Variants in TNS3 observed in about 807,000 individuals in gnomAD.
TNS3 encodes tensin 3.
Under a neutral mutation model 140.9 loss-of-function variants are expected in TNS3, and 45 were observed. The observed-to-expected ratio is 0.32, with a 90% CI of 0.25 to 0.41. The LOEUF (loss-of-function observed/expected upper bound fraction) is 0.41, where lower values mean the gene tolerates loss of function less well. TNS3 is among the 10% of genes least tolerant of loss of function. The probability of loss-of-function intolerance (pLI) is 1.00; values close to 1 mark genes in which losing one functional copy is unlikely to be tolerated. For missense variants in TNS3, 1,716 were observed against 1,906.7 expected (o/e 0.90, Z 1.86); for synonymous variants, 815 against 788.4 (o/e 1.03, Z -0.56).
intron 1 of TNS3, among the ~76,000 whole-genome samples, chr7:47,573,414 C>T (rs1253973740): frequency 6.6e-6 from 1 of 152,194 alleles, no homozygotes; most frequent in East Asian, 1.9e-4. Flanking sequence ...GGTCTCAAAT[C>T]TACAAGCGCC....
chr7:47,294,784 A>G (rs1438537447), intron 24 of TNS3, among the ~76,000 whole-genome samples: 1 of 152,222 alleles, frequency 6.6e-6, no homozygotes, highest in Non-Finnish European at 1.5e-5. Context: ...ATTCCATAAA[A>G]GGCTGTGTTG....
chr7:47,557,010 C>T (rs1562854917), intron 1 of TNS3: 4 of 456,278 alleles, frequency 8.8e-6, no homozygotes, highest in South Asian at 1.5e-5. Context: ...CCAGGAGCAG[C>T]GGGGGCGGGG....
At chr7:47,329,885 G>A (rs1788238918) in intron 20 of TNS3, among the ~76,000 whole-genome samples, 1 of 152,146 alleles carries the variant, frequency 6.6e-6, no homozygotes, top group African/African-American at 2.4e-5. Flanking sequence ...TGGGCAGCAG[G>A]GAGGAGGAGG....
At chr7:47,281,603 C>T (rs1222652244) in intron 28 of TNS3, among the ~76,000 whole-genome samples, 1 of 152,170 alleles carries the variant, frequency 6.6e-6, no homozygotes, top group Non-Finnish European at 1.5e-5. Flanking sequence ...GTGAGAAGAT[C>T]CCCCTTTTGT....
chr7:47,579,788 A>G, intron 1 of TNS3: 1 of 968,590 alleles, frequency 1.0e-6, no homozygotes, highest in Non-Finnish European at 1.2e-6. Flanking sequence ...GTAGAGTCCT[A>G]AGCAGATATA....
chr7:47,527,692 C>A (rs1180860383), intron 2 of TNS3, among the ~76,000 whole-genome samples: 2 of 152,184 alleles, frequency 1.3e-5, no homozygotes, highest in African/African-American at 4.8e-5. Context: ...GCAGGAGAAT[C>A]ACTTGAGGCC....
intron 4 of TNS3, among the ~76,000 whole-genome samples, chr7:47,473,971 G>A (rs1797060046): frequency 6.6e-6 from 1 of 152,130 alleles, no homozygotes; most frequent in African/African-American, 2.4e-5. Flanking sequence ...ACGGTCACTG[G>A]GGCAGAGGCA....
rs771153499 is a variant in TNS3, at chr7:47,369,399, C to G, written c.1247G>C (p.Gly416Ala). 2 of 1,614,040 alleles carry G rather than the reference C, an allele frequency of 1.2e-6. No homozygotes were observed. Among genetic ancestry groups the G allele is most frequent in the East Asian group, 2.2e-5 (1 of 44,876 alleles). The change falls in exon 17 of 31, where the codon GGC becomes GCC. Residue 416 changes from glycine to alanine, a missense_variant. Gly to Ala is a moderately conservative substitution (Grantham distance 60). Coordinates refer to ENST00000311160, the MANE Select transcript of TNS3 (RefSeq NM_022748.12). ...CTCTGCCTTCTCCTGGGCACTCAGG[C>G]CCCTCCTGGTTCCTGGGGCCAGGCG... ...EERLAPGTRR[G>A]LSAQEKAELD...
chr7:47,323,504 T>A (rs567972609), intron 20 of TNS3, among the ~76,000 whole-genome samples: 2 of 152,294 alleles, frequency 1.3e-5, no homozygotes, highest in South Asian at 4.1e-4. Flanking sequence ...AATCATAAGA[T>A]TTGGAACTTC....
chr7:47,406,390 T>TA (rs917201893), intron 13 of TNS3, among the ~76,000 whole-genome samples: 1 of 152,226 alleles, frequency 6.6e-6, no homozygotes, highest in Non-Finnish European at 1.5e-5. Flanking sequence ...TTTCTGCAGT[T>TA]AGACTTGACT....
At chr7:47,534,790 T>C (rs992127749) in intron 1 of TNS3, among the ~76,000 whole-genome samples, 4 of 152,246 alleles carry the variant, frequency 2.6e-5, no homozygotes, top group South Asian at 2.1e-4. Flanking sequence ...AGAAGGATAA[T>C]GATGCTGCTA....
At chr7:47,499,644 C>A (rs73695359) in intron 3 of TNS3, among the ~76,000 whole-genome samples, 3,933 of 152,292 alleles carry the variant, frequency 0.026, 192 homozygotes, top group African/African-American at 0.089. Flanking sequence ...TGATTCCAAC[C>A]CTATGGCATT....
intron 4 of TNS3, among the ~76,000 whole-genome samples, chr7:47,445,090 C>G (rs1004697990): frequency 6.6e-6 from 1 of 152,140 alleles, no homozygotes; most frequent in Admixed American, 6.5e-5. Context: ...CTATGTAAGT[C>G]TACATCCACT....
At chr7:47,291,197 A>G (rs1174239859) in intron 27 of TNS3, among the ~76,000 whole-genome samples, 1 of 152,154 alleles carries the variant, frequency 6.6e-6, no homozygotes, top group Non-Finnish European at 1.5e-5. Context: ...ACGAACAGAA[A>G]AGGCACAGAG....
intron 10 of TNS3, among the ~76,000 whole-genome samples, chr7:47,418,481 C>G (rs1165025152): frequency 6.6e-6 from 1 of 152,116 alleles, no homozygotes. Flanking sequence ...AAAGACCATC[C>G]CAACAGCCTT....
chr7:47,378,725 G>A (rs569309967), intron 16 of TNS3, among the ~76,000 whole-genome samples: 21 of 152,298 alleles, frequency 1.4e-4, no homozygotes, highest in South Asian at 1.2e-3. Context: ...GCAAGGGACC[G>A]AAGCATGTCC....
rs111728713 is a variant in TNS3 at position 47,466,815 on chromosome 7, T to C, written c.-76+14288A>G. Among the ~76,000 whole-genome samples, 16 of 152,350 alleles carry C rather than the reference T, an allele frequency of 1.1e-4. 1 individual carries two copies. Among genetic ancestry groups the C allele is most frequent in the African/African-American group, 3.8e-4 (16 of 41,582 alleles). On this transcript the variant is annotated intron_variant, in intron 4 of 30. Transcript: ENST00000311160. ...GGGCACTATGTTAACCCTATCACAT[T>C]TTCAAGGTTTATTAGCTGGAATTCT...
intron 4 of TNS3, among the ~76,000 whole-genome samples, 170 bp downstream of exon 4, chr7:47,480,933 G>C (rs184245923): frequency 2.1e-4 from 32 of 152,358 alleles, no homozygotes; most frequent in Admixed American, 1.8e-3. Flanking sequence ...GGCCAGTGCA[G>C]CATGGTCAAA....
chr7:47,345,982 C>T (rs1273764233), intron 18 of TNS3, among the ~76,000 whole-genome samples: 2 of 152,228 alleles, frequency 1.3e-5, no homozygotes, highest in Non-Finnish European at 2.9e-5. Context: ...CAGCTGACTG[C>T]ACACTGTGCT....
Sources: allele counts gnomAD v4.1 joint callset (sites outside exome capture counted in the v4.1 genomes callset), GRCh38; gene constraint gnomAD v4.1.1; transcripts MANE v1.5; gene names NCBI Gene and HGNC (gene_info 2026-07-23, HGNC 2026-07-21).